Variants in TSEN2 observed in about 807,000 individuals in gnomAD.
The protein encoded by TSEN2 is tRNA splicing endonuclease subunit 2, also known as tRNA-splicing endonuclease subunit Sen2.
A neutral mutation model predicts 59.2 loss-of-function variants in TSEN2; 54 were observed. The observed-to-expected ratio is 0.91, with a 90% CI of 0.73 to 1.14. The LOEUF (loss-of-function observed/expected upper bound fraction) is 1.14, where lower values mean the gene tolerates loss of function less well. TSEN2 is among the 50% of genes most tolerant of loss of function. The pLI, the probability that TSEN2 is intolerant of heterozygous loss-of-function variation, is 0.00. For synonymous variants in TSEN2, 195 were observed against 198.2 expected (o/e 0.98, Z 0.14); for missense variants, 636 against 576.2 (o/e 1.10, Z -1.06).
At chr3:12,496,673 T>A in intron 4 of TSEN2, 119 bp downstream of exon 4, 1 of 976,508 alleles carries the variant, frequency 1.0e-6, no homozygotes, top group Non-Finnish European at 1.6e-6. Context: ...TTTTTGGTAG[T>A]AGATGTATCC....
At chr3:12,480,706 T>C (rs1003569457), upstream of TSEN2, among the ~76,000 whole-genome samples, 1 of 151,414 alleles carries the variant, frequency 6.6e-6, no homozygotes, top group African/African-American at 2.4e-5. Flanking sequence ...TTTTTATATA[T>C]TTTTTTTAGT....
intron 6 of TSEN2, among the ~76,000 whole-genome samples, chr3:12,507,807 T>C (rs2055002047): frequency 6.6e-6 from 1 of 152,158 alleles, no homozygotes; most frequent in African/African-American, 2.4e-5. Context: ...GTAATACTTA[T>C]TAAATGAATG....
At chr3:12,491,052 A>G (rs1171924565) in intron 2 of TSEN2, among the ~76,000 whole-genome samples, 1 of 152,116 alleles carries the variant, frequency 6.6e-6, no homozygotes, top group Non-Finnish European at 1.5e-5. Context: ...GTGCAGTGGC[A>G]TGATCTCAGC....
chr3:12,532,506 A>G (rs186307870), intron 11 of TSEN2, among the ~76,000 whole-genome samples, 156 bp from the exon 12 acceptor site: 2 of 152,186 alleles, frequency 1.3e-5, no homozygotes, highest in Non-Finnish European at 2.9e-5. Flanking sequence ...ATATTGTTAC[A>G]TTCATTTTCT....
intron 11 of TSEN2, among the ~76,000 whole-genome samples, chr3:12,531,957 A>G (rs541640836): frequency 6.6e-6 from 1 of 152,296 alleles, no homozygotes; most frequent in Admixed American, 6.5e-5. Context: ...GACTTCTCAC[A>G]GGTCTCATTC....
At chr3:12,536,290 T>A (rs1184023450), downstream of TSEN2, among the ~76,000 whole-genome samples, 2 of 152,188 alleles carry the variant, frequency 1.3e-5, no homozygotes, top group African/African-American at 2.4e-5. Context: ...ATGGTAGGTT[T>A]TCCTGGTTCT....
At position 12,506,440 on chromosome 3, in the gene TSEN2, C is replaced by T. The variant is rs762421318; in HGVS notation, c.909+1209C>T. Among the ~76,000 whole-genome samples the T allele has an allele frequency of 2.0e-5, 3 of 151,954 alleles. No individual in the cohort carries two copies. The East Asian group carries it at 5.8e-4, about 29-fold the overall frequency. On this transcript the variant is annotated intron_variant, in intron 6 of 11. Coordinates refer to ENST00000284995, the MANE Select transcript of TSEN2 (RefSeq NM_025265.4). ...CAAAACCCCATCTCTACAAAAAATACAAAAATTAGCCAGGTGTGGCGGTGC... is the reference window on the plus strand; with the variant it reads ...CAAAACCCCATCTCTACAAAAAATATAAAAATTAGCCAGGTGTGGCGGTGC...
chr3:12,520,526 A>G (rs2056551073), intron 8 of TSEN2, among the ~76,000 whole-genome samples: 1 of 152,048 alleles, frequency 6.6e-6, no homozygotes, highest in Admixed American at 6.6e-5. Context: ...GCGGTGGCTC[A>G]CGCCTGTAAT....
Position 12,533,191 on chromosome 3 carries a change from A to G in TSEN2, c.*470A>G, listed in dbSNP as rs1303372959. ...TTACAGAACACAACAGTATTGTACA[A>G]TATTCGATAAGCATATCTTCACTGC... On this transcript the variant is annotated 3_prime_UTR_variant, in exon 12 of 12. Coordinates refer to ENST00000284995, the MANE Select transcript of TSEN2 (RefSeq NM_025265.4). 1 of 175,802 alleles carries G rather than the reference A, an allele frequency of 5.7e-6. No individual in the cohort carries two copies. The highest frequency in any genetic ancestry group is 2.4e-5 in the African/African-American group (1 of 42,024). 10.9% of individuals were successfully genotyped at this position (175,802 alleles called of 1,614,324 possible). A position where few individuals can be genotyped will look rare whatever the true frequency, so the allele number is the denominator to read the frequency against.
chr3:12,519,028 A>G (rs1475029547), intron 7 of TSEN2, 31 bp from the exon 8 acceptor site: 1 of 1,613,412 alleles, frequency 6.2e-7, no homozygotes, highest in Non-Finnish European at 8.5e-7. Context: ...ATACATAGTA[A>G]TGCTTTTTGT....
rs1189371014 is a variant in TSEN2, at chr3:12,492,840, T to G, written c.271+623T>G. ...TTCAGAAACAGACCTTCTCTTGCAT[T>G]GCTGGTGGGGTGCTTGTGGTACCAC... On this transcript the variant is annotated intron_variant, in intron 3 of 11. Coordinates refer to ENST00000284995, the MANE Select transcript of TSEN2 (RefSeq NM_025265.4). 3.3e-5 allele frequency among the ~76,000 whole-genome samples: 5 copies of G among 152,360 alleles called. No individual in the cohort carries two copies. The South Asian group carries it at 6.2e-4, about 19-fold the overall frequency.
intron 7 of TSEN2, among the ~76,000 whole-genome samples, chr3:12,517,156 G>A (rs2056211472): frequency 6.6e-6 from 1 of 151,846 alleles, no homozygotes; most frequent in Non-Finnish European, 1.5e-5. Flanking sequence ...GACCATCCTG[G>A]CTATCCTGGC....
intron 1 of TSEN2, among the ~76,000 whole-genome samples, chr3:12,487,371 T>G (rs2052725843): frequency 6.6e-6 from 1 of 152,236 alleles, no homozygotes; most frequent in Non-Finnish European, 1.5e-5. Context: ...CAGCTAAATC[T>G]TGCCTTTTTT....
intron 1 of TSEN2, among the ~76,000 whole-genome samples, chr3:12,488,767 T>C (rs1475067808): frequency 6.6e-6 from 1 of 152,212 alleles, no homozygotes; most frequent in Non-Finnish European, 1.5e-5. Context: ...CACCGTCTGA[T>C]TTTGAGAAAG....
At chr3:12,491,141 C>G (rs948481478) in intron 2 of TSEN2, among the ~76,000 whole-genome samples, 1 of 152,078 alleles carries the variant, frequency 6.6e-6, no homozygotes, top group African/African-American at 2.4e-5. Flanking sequence ...CAGGCGCATG[C>G]CACCATGCCT....
At chr3:12,500,970 C>T (rs17036850) in intron 4 of TSEN2, among the ~76,000 whole-genome samples, 3 of 152,132 alleles carry the variant, frequency 2.0e-5, no homozygotes, top group Non-Finnish European at 4.4e-5. Context: ...TTTTGAGTCA[C>T]GGAATTTGGC....
At chr3:12,505,457 C>T (rs149287330) in intron 6 of TSEN2, 53 of 506,706 alleles carry the variant, frequency 1.0e-4, no homozygotes, top group Admixed American at 2.3e-4. Context: ...ACAGAAGATT[C>T]GAGGGGTTTT....
downstream of TSEN2, among the ~76,000 whole-genome samples, chr3:12,536,435 G>A (rs1575490916): frequency 6.6e-6 from 1 of 152,126 alleles, no homozygotes; most frequent in Non-Finnish European, 1.5e-5. Context: ...CATTGATTGA[G>A]TCCCAGATGT....
At chr3:12,517,314 C>T (rs750255823) in intron 7 of TSEN2, among the ~76,000 whole-genome samples, 3 of 142,848 alleles carry the variant, frequency 2.1e-5, no homozygotes, top group South Asian at 2.1e-4. Flanking sequence ...GCCGAGATAG[C>T]GCCACTGCTC....
Sources: allele counts gnomAD v4.1 joint callset (sites outside exome capture counted in the v4.1 genomes callset), GRCh38; gene constraint gnomAD v4.1.1; transcripts MANE v1.5; gene names NCBI Gene and HGNC (gene_info 2026-07-23, HGNC 2026-07-21).